RTN4RL1: variants seen among roughly 807,000 people sequenced by gnomAD.
RTN4RL1 encodes reticulon 4 receptor like 1.
Under a neutral mutation model 25.6 loss-of-function variants are expected in RTN4RL1, and 7 were observed. That is an observed-to-expected ratio of 0.27 (90% CI 0.16 to 0.51). The LOEUF is 0.51. Among genes scored for constraint, RTN4RL1 ranks in the 20% least tolerant of loss-of-function variants. The pLI, the probability that RTN4RL1 is intolerant of heterozygous loss-of-function variation, is 0.97. For missense variants in RTN4RL1, 500 were observed against 615.6 expected (o/e 0.81, Z 1.99); for synonymous variants, 297 against 288.2 (o/e 1.03, Z -0.31).
Position 1,998,305 on chromosome 17 carries a change from C to T in RTN4RL1, c.13+26548G>A, listed in dbSNP as rs1165311328. On this transcript the variant is annotated intron_variant, in intron 1 of 1. Coordinates refer to ENST00000331238, the MANE Select transcript of RTN4RL1 (RefSeq NM_178568.4). This position sits in a 1 kb window ranked among gnomAD's most constrained non-coding sequence, Gnocchi z 4.9. ...AGGCCTCCCGCAGGCCGACCCGAGCCGAGCGCGCCCTTTGGGCACCGGCCC... is the reference window on the plus strand; with the variant it reads ...AGGCCTCCCGCAGGCCGACCCGAGCTGAGCGCGCCCTTTGGGCACCGGCCC... Among the ~76,000 whole-genome samples the T allele has an allele frequency of 6.6e-6, 1 of 152,190 alleles. No homozygotes were observed. The highest frequency in any genetic ancestry group is 2.4e-5 in the African/African-American group (1 of 41,460).
In RTN4RL1 at chr17:1,995,341, A is replaced by T. The variant is rs528718665; in HGVS notation, c.13+29512T>A. On this transcript the variant is annotated intron_variant, in intron 1 of 1. Transcript: ENST00000331238. ...CTCGGGAAGCTGAGGCAGGAAAATCACTTAAACTCGGGAGGCGGAGGTTGC... is the reference window on the plus strand; with the variant it reads ...CTCGGGAAGCTGAGGCAGGAAAATCTCTTAAACTCGGGAGGCGGAGGTTGC... Among the ~76,000 whole-genome samples, 5 of 151,068 alleles carry T rather than the reference A, an allele frequency of 3.3e-5. No individual in the cohort carries two copies. The South Asian group carries it at 1.0e-3, about 32-fold the overall frequency.
At chr17:1,995,385 C>T (rs1208216707) in intron 1 of RTN4RL1, among the ~76,000 whole-genome samples, 1 of 148,408 alleles carries the variant, frequency 6.7e-6, no homozygotes, top group Non-Finnish European at 1.5e-5. Flanking sequence ...GAGATTGCGC[C>T]ATTGCACTAC....
intron 1 of RTN4RL1, among the ~76,000 whole-genome samples, chr17:2,006,737 C>T (rs1358013672): frequency 3.3e-5 from 5 of 152,268 alleles, no homozygotes; most frequent in East Asian, 1.9e-4. Context: ...TCTTGTCCCT[C>T]GGCCTCCTGA....
chr17:1,963,929 G>A (rs974213340), intron 1 of RTN4RL1, among the ~76,000 whole-genome samples: 4 of 152,122 alleles, frequency 2.6e-5, no homozygotes, highest in Non-Finnish European at 4.4e-5. Context: ...ATTTCACCAT[G>A]TTGGTCAGGC....
chr17:1,968,749 C>G (rs1360619640), intron 1 of RTN4RL1, among the ~76,000 whole-genome samples: 2 of 152,358 alleles, frequency 1.3e-5, no homozygotes, highest in Non-Finnish European at 2.9e-5. Flanking sequence ...CTTCCCGCAC[C>G]TGCCTGGCTC....
At chr17:1,987,832 G>A (rs62069184) in intron 1 of RTN4RL1, among the ~76,000 whole-genome samples, 16,346 of 152,082 alleles carry the variant, frequency 0.11, 1,028 homozygotes, top group Non-Finnish European at 0.14. Context: ...CATGCTGGGT[G>A]CGGTAGCTCA....
chr17:2,025,182 G>A lies in RTN4RL1; in HGVS notation c.-317C>T. 1 of 250,608 alleles carries A rather than the reference G, an allele frequency of 4.0e-6. No individual in the cohort carries two copies. The allele number at this position is 250,608 out of a possible 1,614,324, so 15.5% of individuals were successfully genotyped here. On this transcript the variant is annotated 5_prime_UTR_variant, in exon 1 of 2. Transcript: ENST00000331238. This position sits in a 1 kb window ranked among gnomAD's most constrained non-coding sequence, Gnocchi z 4.8. ...CCCGGAGCACTTCGCAGGCGGTTTT[G>A]AGGGGGGACGCCGCCCCCTGGCCGG...
chr17:1,980,128 A>G (rs868762559), intron 1 of RTN4RL1, among the ~76,000 whole-genome samples: 6 of 148,508 alleles, frequency 4.0e-5, no homozygotes, highest in Admixed American at 6.6e-5. Context: ...CAGTGCCACA[A>G]TCACGGCTCA....
rs995763712 is a variant in RTN4RL1, at chr17:1,999,446, G to C, written c.13+25407C>G. 2.6e-5 allele frequency among the ~76,000 whole-genome samples: 3 copies of C among 114,546 alleles called. No individual in the cohort carries two copies. The South Asian group carries it at 8.2e-4, about 31-fold the overall frequency. The allele number at this position is 114,546 out of a possible 152,430, so 75.1% of individuals were successfully genotyped here. A position where few individuals can be genotyped will look rare whatever the true frequency, so the allele number is the denominator to read the frequency against. On this transcript the variant is annotated intron_variant, in intron 1 of 1. Coordinates refer to ENST00000331238, the MANE Select transcript of RTN4RL1 (RefSeq NM_178568.4). ...GAGCAACAGAGCAAGACTCCGTCTCGAAAAAAATAAAACACACACACACAC... is the reference window on the plus strand; with the variant it reads ...GAGCAACAGAGCAAGACTCCGTCTCCAAAAAAATAAAACACACACACACAC...
At position 1,937,330 on chromosome 17, in the gene RTN4RL1, G is replaced by C; in HGVS notation, c.492C>G (p.Leu164=). ...LYLQDNHIEY[L]QDDIFVDLVN... is the part of the protein sequence containing the mutation. ...CCAGGTCCACGAAGATGTCGTCCTG[G>C]AGGTACTCGATGTGGTTGTCCTGCA... is the stretch of plus-strand genomic sequence containing the variant. The change falls in exon 2 of 2, where the codon CTC becomes CTG. Residue 164 remains leucine, a synonymous_variant. Coordinates refer to ENST00000331238, the MANE Select transcript of RTN4RL1 (RefSeq NM_178568.4). 1 of 1,613,658 alleles carries C rather than the reference G, an allele frequency of 6.2e-7. No individual in the cohort carries two copies. The highest frequency in any genetic ancestry group is 8.5e-7 in the Non-Finnish European group (1 of 1,179,888).
chr17:1,965,204 G>A (rs1316646009), intron 1 of RTN4RL1, among the ~76,000 whole-genome samples: 3 of 149,624 alleles, frequency 2.0e-5, no homozygotes, highest in East Asian at 2.0e-4. Context: ...CTGCCTCCCG[G>A]GTTCAAGTGA....
intron 1 of RTN4RL1, among the ~76,000 whole-genome samples, chr17:2,000,505 G>A (rs2066952129): frequency 6.6e-6 from 1 of 151,908 alleles, no homozygotes; most frequent in Admixed American, 6.6e-5. Flanking sequence ...ACCATGTCCA[G>A]CTAATTTTAG....
At chr17:1,965,887 C>G (rs956939457) in intron 1 of RTN4RL1, among the ~76,000 whole-genome samples, 1 of 152,130 alleles carries the variant, frequency 6.6e-6, no homozygotes, top group African/African-American at 2.4e-5. Context: ...CTTCTGCCTT[C>G]CCCCCACCCC....
intron 1 of RTN4RL1, among the ~76,000 whole-genome samples, chr17:1,967,458 C>A (rs1047785483): frequency 7.9e-5 from 12 of 151,838 alleles, no homozygotes; most frequent in Non-Finnish European, 1.5e-4. Context: ...CCACAAAACC[C>A]GCCCAACCCA....
At chr17:1,986,252 A>G (rs575487197) in intron 1 of RTN4RL1, among the ~76,000 whole-genome samples, 65 of 152,216 alleles carry the variant, frequency 4.3e-4, no homozygotes, top group Admixed American at 2.7e-3. Context: ...ATTGTGTATT[A>G]ATCCTCATGA....
intron 1 of RTN4RL1, among the ~76,000 whole-genome samples, chr17:2,014,989 C>T (rs1359601654): frequency 2.0e-5 from 3 of 152,118 alleles, no homozygotes; most frequent in African/African-American, 4.8e-5. Context: ...AAAAGGGAAT[C>T]GCTGAAGGGT....
At chr17:1,952,812 G>A (rs925290497) in intron 1 of RTN4RL1, among the ~76,000 whole-genome samples, 1 of 151,652 alleles carries the variant, frequency 6.6e-6, no homozygotes, top group African/African-American at 2.4e-5. Context: ...GGTTTAAACA[G>A]GAGCATGTAA....
At chr17:1,991,008 A>T (rs558802836) in intron 1 of RTN4RL1, among the ~76,000 whole-genome samples, 4 of 152,210 alleles carry the variant, frequency 2.6e-5, no homozygotes, top group Non-Finnish European at 5.9e-5. Context: ...CTCTAGGCGC[A>T]GAGAGCACCA....
At position 1,983,931 on chromosome 17, in the gene RTN4RL1, C is replaced by T. The variant is rs555396156; in HGVS notation, c.13+40922G>A. Reference sequence around the variant, plus strand: ...CCCAATCCGGATCGGAACCCTGCTCCCTCCCGGCTGGGACATGTAAGCTGG... The same window carrying T: ...CCCAATCCGGATCGGAACCCTGCTCTCTCCCGGCTGGGACATGTAAGCTGG... On this transcript the variant is annotated intron_variant, in intron 1 of 1. Transcript: ENST00000331238. 2.0e-5 allele frequency among the ~76,000 whole-genome samples: 3 copies of T among 152,294 alleles called. No homozygotes were observed. The East Asian group carries it at 5.8e-4, about 29-fold the overall frequency.
Sources: gnomAD v4.1 joint callset for allele counts (sites outside exome capture counted in the v4.1 genomes callset) on GRCh38, gnomAD v4.1.1 for gene constraint, Gnocchi (gnomAD v3.1) non-coding constraint, MANE v1.5 for transcripts, NCBI Gene and HGNC (gene_info 2026-07-23, HGNC 2026-07-21) for gene names.